The following IL23R variants were observed in gnomAD, a reference collection of about 807,000 sequenced individuals.
The protein encoded by IL23R is interleukin 23 receptor.
In IL23R, 34 loss-of-function variants were observed where a neutral mutation model predicts 56.9. That is an observed-to-expected ratio of 0.60 (90% confidence interval 0.45 to 0.80). The LOEUF (loss-of-function observed/expected upper bound fraction) is 0.80. IL23R is among the 30% of genes least tolerant of loss of function. The pLI, the probability that IL23R is intolerant of heterozygous loss-of-function variation, is 0.00. For missense variants in IL23R, 635 were observed against 730.0 expected (o/e 0.87, Z 1.50); for synonymous variants, 230 against 249.2 (o/e 0.92, Z 0.73).
At chr1:67,162,206 C>A (rs1168081117), upstream of IL23R, among the ~76,000 whole-genome samples, 2 of 151,882 alleles carry the variant, frequency 1.3e-5, no homozygotes, top group African/African-American at 4.8e-5. Flanking sequence ...TGGCTCACTC[C>A]TGTAATCCCA....
At chr1:67,203,284 T>G (rs1434639609) in intron 5 of IL23R, among the ~76,000 whole-genome samples, 1 of 152,122 alleles carries the variant, frequency 6.6e-6, no homozygotes, top group Admixed American at 6.6e-5. Flanking sequence ...ATAAAATGAT[T>G]TGCGCAAAGT....
chr1:67,253,963 C>T (rs373108449), intron 9 of IL23R, among the ~76,000 whole-genome samples: 2 of 152,054 alleles, frequency 1.3e-5, no homozygotes, highest in Non-Finnish European at 2.9e-5. Context: ...ATTTATTTTA[C>T]ATTTGAACAG....
At chr1:67,244,949 G>C (rs955018776) in intron 9 of IL23R, among the ~76,000 whole-genome samples, 2 of 152,168 alleles carry the variant, frequency 1.3e-5, no homozygotes, top group African/African-American at 2.4e-5. Flanking sequence ...CATGAGCATG[G>C]AATGTTTTTC....
At chr1:67,213,961 A>G (rs1649663656) in intron 6 of IL23R, among the ~76,000 whole-genome samples, 1 of 152,240 alleles carries the variant, frequency 6.6e-6, no homozygotes, top group African/African-American at 2.4e-5. Context: ...AGTCTAGCTT[A>G]GACCAGGTTG....
At chr1:67,242,664 G>A (rs1651927896) in intron 9 of IL23R, among the ~76,000 whole-genome samples, 1 of 152,148 alleles carries the variant, frequency 6.6e-6, no homozygotes, top group African/African-American at 2.4e-5. Flanking sequence ...GCTGTAGTGT[G>A]GATGGCAAGG....
At chr1:67,170,843 T>C (rs1279295731) in intron 3 of IL23R, among the ~76,000 whole-genome samples, 1 of 152,182 alleles carries the variant, frequency 6.6e-6, no homozygotes, top group Non-Finnish European at 1.5e-5. Flanking sequence ...GTAAGAGGCT[T>C]CCTTGCTCTA....
intron 3 of IL23R, among the ~76,000 whole-genome samples, chr1:67,178,713 G>T (rs1411723061): frequency 3.3e-5 from 5 of 152,218 alleles, no homozygotes; most frequent in African/African-American, 1.2e-4. Context: ...CAAAGGGAAT[G>T]CTTCCAGTTT....
chr1:67,155,985 T>C (rs1422100513), intron 1 of IL23R, among the ~76,000 whole-genome samples: 2 of 152,216 alleles, frequency 1.3e-5, no homozygotes, highest in African/African-American at 4.8e-5. Context: ...TGTGGGGGCA[T>C]CTTTTTTGTT....
chr1:67,195,763 G>T (rs1648101018), intron 4 of IL23R, among the ~76,000 whole-genome samples: 1 of 152,076 alleles, frequency 6.6e-6, no homozygotes, highest in African/African-American at 2.4e-5. Context: ...ACTTGCTGAG[G>T]TTGTCTTGTT....
chr1:67,257,333 T>G (rs1449176647), intron 10 of IL23R, among the ~76,000 whole-genome samples: 1 of 152,196 alleles, frequency 6.6e-6, no homozygotes, highest in Non-Finnish European at 1.5e-5. Context: ...TAGTGAGGGC[T>G]GTCTTGTGGA....
chr1:67,262,295 G>C (rs1473491755), downstream of IL23R, among the ~76,000 whole-genome samples: 4 of 152,124 alleles, frequency 2.6e-5, no homozygotes, highest in African/African-American at 9.7e-5. Context: ...CCCCCAAGGA[G>C]CTTACATTTT....
chr1:67,171,342 A>G (rs1443729533), intron 3 of IL23R, among the ~76,000 whole-genome samples: 1 of 152,204 alleles, frequency 6.6e-6, no homozygotes, highest in African/African-American at 2.4e-5. Context: ...TGTGTGATTC[A>G]TGAATCGGCA....
chr1:67,252,102 G>A (rs1020436251), intron 9 of IL23R, among the ~76,000 whole-genome samples: 3 of 152,100 alleles, frequency 2.0e-5, no homozygotes, highest in Non-Finnish European at 4.4e-5. Context: ...TGCTATTTCT[G>A]TAAGACTTTG....
Position 67,236,814 on chromosome 1 carries a change from C to A in IL23R, c.1045+12C>A. 1 of 1,560,144 alleles carries A rather than the reference C, an allele frequency of 6.4e-7. No individual in the cohort carries two copies. The highest frequency in any genetic ancestry group is 8.8e-7 in the Non-Finnish European group (1 of 1,130,990). On this transcript the variant is annotated intron_variant, in intron 8 of 10. Coordinates refer to ENST00000347310, the MANE Select transcript of IL23R (RefSeq NM_144701.3). ...GCACCTTACTTCTGGTAAGAAAATA[C>A]AACTTAGGCTTTTTGAGTAGTCTTT...
chr1:67,213,925 C>T (rs535168306), intron 6 of IL23R, among the ~76,000 whole-genome samples: 1 of 152,320 alleles, frequency 6.6e-6, no homozygotes, highest in South Asian at 2.1e-4. Flanking sequence ...ACCTCATTTA[C>T]CTCTCTCCCT....
chr1:67,203,752 A>G (rs2102628872), intron 5 of IL23R, among the ~76,000 whole-genome samples: 1 of 152,328 alleles, frequency 6.6e-6, no homozygotes, highest in East Asian at 1.9e-4. Context: ...CCTGGGAACA[A>G]TTTCCACATA....
At chr1:67,140,013 C>G (rs1026633331) in intron 1 of IL23R, among the ~76,000 whole-genome samples, 3 of 152,180 alleles carry the variant, frequency 2.0e-5, no homozygotes, top group Non-Finnish European at 4.4e-5. Flanking sequence ...ATGTGATGCC[C>G]TGTGCCACCG....
chr1:67,261,311 A>G (rs1004635954), downstream of IL23R, among the ~76,000 whole-genome samples: 1 of 145,504 alleles, frequency 6.9e-6, no homozygotes, highest in African/African-American at 2.6e-5. Context: ...TTCATCAGAA[A>G]TTTATCTTTT....
chr1:67,265,149 T>A, the IL23R span, among the ~76,000 whole-genome samples: 1 of 152,230 alleles, frequency 6.6e-6, no homozygotes, highest in East Asian at 1.9e-4. Flanking sequence ...ACGTTACTGT[T>A]TTCTTTCTGT....
Sources: allele counts gnomAD v4.1 joint callset (sites outside exome capture counted in the v4.1 genomes callset), GRCh38; gene constraint gnomAD v4.1.1; transcripts MANE v1.5; gene names NCBI Gene and HGNC (gene_info 2026-07-23, HGNC 2026-07-21).